Variants in RASA3 observed in about 807,000 individuals in gnomAD.
The protein encoded by RASA3 is RAS p21 protein activator 3, also known as ras GTPase-activating protein 3.
Under a neutral mutation model 110.0 loss-of-function variants are expected in RASA3, and 73 were observed. That is an observed-to-expected ratio of 0.66 (90% confidence interval 0.55 to 0.81). The LOEUF is 0.81. Among genes scored for constraint, RASA3 ranks in the 30% least tolerant of loss-of-function variants. RASA3 has a pLI of 0.00. For missense variants in RASA3, 976 were observed against 1,113.2 expected (o/e 0.88, Z 1.75); for synonymous variants, 500 against 451.4 (o/e 1.11, Z -1.37).
rs1258321655 is a variant in RASA3, at chr13:114,009,404, C to T, written c.1651G>A (p.Ala551Thr). The T allele has an allele frequency of 3.1e-6, 5 of 1,612,150 alleles. No individual in the cohort carries two copies. The African/African-American group carries it at 5.3e-5, about 17-fold the overall frequency. Residue 551 changes from alanine to threonine, a missense_variant, in exon 17 of 24, where the codon GCT becomes ACT. Ala to Thr is a moderately conservative substitution (Grantham distance 58). Transcript: ENST00000334062. ...FYEFFNEQKY[A>T]DAVKNFLDLI... ...ATACTTACGTTCTTCACCGCATCAG[C>T]ATATTTCTGCTCATTGAAGAATTCA... is the stretch of plus-strand genomic sequence containing the variant.
intron 8 of RASA3, among the ~76,000 whole-genome samples, chr13:114,022,200 T>C (rs961545399): frequency 6.6e-6 from 1 of 152,150 alleles, no homozygotes. Flanking sequence ...CCCAGCATTG[T>C]GAAGCTTCTG....
chr13:114,105,179 T>C (rs973252106), intron 1 of RASA3, among the ~76,000 whole-genome samples: 1 of 151,570 alleles, frequency 6.6e-6, no homozygotes, highest in Non-Finnish European at 1.5e-5. Context: ...TGGGTGGGGC[T>C]CTCCCCAGGA....
intron 8 of RASA3, among the ~76,000 whole-genome samples, chr13:114,023,078 C>T (rs367980863): frequency 1.3e-5 from 2 of 152,218 alleles, no homozygotes; most frequent in Admixed American, 6.5e-5. Context: ...TCCCAGCAGC[C>T]GTAGGGCCTG....
At chr13:114,041,597 C>T (rs1367478259) in intron 3 of RASA3, among the ~76,000 whole-genome samples, 2 of 152,258 alleles carry the variant, frequency 1.3e-5, no homozygotes, top group African/African-American at 4.8e-5. Context: ...GCCTCACACA[C>T]CACCAAGGCA....
chr13:114,098,754 G>C (rs113163118), intron 1 of RASA3, among the ~76,000 whole-genome samples: 27 of 152,142 alleles, frequency 1.8e-4, no homozygotes, highest in South Asian at 4.1e-4. Flanking sequence ...AGAGGCAGTG[G>C]AAGGCACAAG....
chr13:113,999,475 G>GGAGTGCAGTGGGTGGGGAAGGGT (rs2053332512), intron 20 of RASA3, 110 bp downstream of exon 20: 2 of 810,264 alleles, frequency 2.5e-6, no homozygotes, highest in Non-Finnish European at 4.3e-6. Flanking sequence ...TGAGAAGCCT[G>GGAGTGCAGTGGGTGGGGAAGGGT]GAGTGCAGTG....
At chr13:114,032,549 C>T (rs1020991206) in intron 4 of RASA3, among the ~76,000 whole-genome samples, 3 of 152,080 alleles carry the variant, frequency 2.0e-5, no homozygotes, top group Non-Finnish European at 4.4e-5. Flanking sequence ...GTGCACACCC[C>T]GAAGCCCCTG....
intron 3 of RASA3, among the ~76,000 whole-genome samples, chr13:114,049,988 A>G (rs1034252137): frequency 6.6e-6 from 1 of 152,182 alleles, no homozygotes; most frequent in African/African-American, 2.4e-5. Flanking sequence ...ATGGCAGGAC[A>G]TGGGGATGGA....
chr13:114,093,668 T>C (rs1483444351), intron 1 of RASA3, among the ~76,000 whole-genome samples: 4 of 152,210 alleles, frequency 2.6e-5, no homozygotes, highest in Non-Finnish European at 5.9e-5. Flanking sequence ...TCAATTCCCT[T>C]TTTAACTCTG....
Position 114,011,144 on chromosome 13 carries a change from A to G in RASA3, c.1590+27T>C, listed in dbSNP as rs374901310. 62 of 1,575,080 alleles carry G rather than the reference A, an allele frequency of 3.9e-5. No homozygotes were observed. The African/African-American group carries it at 5.5e-4, about 14-fold the overall frequency. ...GAGAAAAGAATCAGTTGTCCCTAAA[A>G]AGAGAAAATGAAGAAGAGGGACTCA... On this transcript the variant is annotated intron_variant, in intron 16 of 23. Coordinates refer to ENST00000334062, the MANE Select transcript of RASA3 (RefSeq NM_007368.4). The surrounding 1 kb of genome is among the most constrained non-coding windows in gnomAD (Gnocchi z 4.8).
intron 3 of RASA3, among the ~76,000 whole-genome samples, chr13:114,042,225 G>C (rs1331957079): frequency 6.6e-6 from 1 of 152,116 alleles, no homozygotes; most frequent in Admixed American, 6.5e-5. Flanking sequence ...TGGGCACCGA[G>C]CCATCTCCCA....
chr13:114,095,375 C>A (rs2079929349), intron 1 of RASA3, among the ~76,000 whole-genome samples: 1 of 152,002 alleles, frequency 6.6e-6, no homozygotes, highest in Admixed American at 6.6e-5. Context: ...AAAAAGAAAC[C>A]CCATACCCAT....
intron 21 of RASA3, 25 bp downstream of exon 21, chr13:113,996,506 G>A (rs370007933): frequency 3.4e-5 from 54 of 1,603,150 alleles, no homozygotes; most frequent in Non-Finnish European, 4.5e-5. Flanking sequence ...CAGTGCACGA[G>A]CTGGGCACCG....
At chr13:114,013,924 G>C (rs865958811) in intron 14 of RASA3, among the ~76,000 whole-genome samples, 6 of 90,556 alleles carry the variant, frequency 6.6e-5, no homozygotes, top group Admixed American at 9.9e-5. Context: ...CTCTCTCTCC[G>C]TCTCTCTCTC....
intron 21 of RASA3, among the ~76,000 whole-genome samples, chr13:113,994,847 A>G (rs2053196430): frequency 6.6e-6 from 1 of 152,142 alleles, no homozygotes; most frequent in African/African-American, 2.4e-5. Context: ...GGTGGAGCAC[A>G]CCTGTAGTCC....
intron 13 of RASA3, 69 bp downstream of exon 13, chr13:114,016,128 C>T (rs1159445416): frequency 1.0e-5 from 14 of 1,399,830 alleles, no homozygotes; most frequent in Non-Finnish European, 1.3e-5. Context: ...GTCAGAGCTT[C>T]CAGGCAGCCA....
chr13:114,082,813 G>C (rs1472804052), intron 1 of RASA3, among the ~76,000 whole-genome samples: 2 of 152,186 alleles, frequency 1.3e-5, no homozygotes, highest in Non-Finnish European at 2.9e-5. Flanking sequence ...ATGCATGCAC[G>C]AGCTCAACTA....
intron 2 of RASA3, among the ~76,000 whole-genome samples, chr13:114,061,513 AC>A (rs1358162616): frequency 2.2e-5 from 3 of 133,906 alleles, no homozygotes; most frequent in African/African-American, 1.1e-4. Flanking sequence ...TACTAAAAAT[AC>A]AAAAAAAAAA....
rs958703735 is a variant in RASA3 at position 113,977,937 on chromosome 13, A to G, written c.*1410T>C. ...GTGTGTCCAAAAGTCTATTTTTACAACATTTTCCTCCAGTATTTTTGTGAC... is the reference window on the plus strand; with the variant it reads ...GTGTGTCCAAAAGTCTATTTTTACAGCATTTTCCTCCAGTATTTTTGTGAC... On this transcript the variant is annotated 3_prime_UTR_variant, in exon 24 of 24. Transcript: ENST00000334062. 1.3e-5 allele frequency: 2 copies of G among 152,346 alleles called. No homozygotes were observed. The highest frequency in any genetic ancestry group is 4.8e-5 in the African/African-American group (2 of 41,476). The allele number at this position is 152,346 out of a possible 1,614,324, so 9.4% of individuals were successfully genotyped here. A position where few individuals can be genotyped will look rare whatever the true frequency, so the allele number is the denominator to read the frequency against.
Sources: gnomAD v4.1 joint callset for allele counts (sites outside exome capture counted in the v4.1 genomes callset) on GRCh38, gnomAD v4.1.1 for gene constraint, Gnocchi (gnomAD v3.1) non-coding constraint, MANE v1.5 for transcripts, NCBI Gene and HGNC (gene_info 2026-07-23, HGNC 2026-07-21) for gene names.